The following GJB6 variants were observed in gnomAD, a reference collection of about 807,000 sequenced individuals.
GJB6 encodes the protein gap junction protein beta 6.
GJB6 carries 5 observed loss-of-function variants against 5.4 expected under a neutral mutation model. The ratio of observed to expected loss-of-function variants is 0.92; its 90% CI spans 0.48 to 1.93. The LOEUF is 1.93. GJB6 is among the 30% of genes most tolerant of loss of function. The pLI is 0.01. For synonymous variants in GJB6, 136 were observed against 129.6 expected, an observed-to-expected ratio of 1.05 and a Z score of -0.34; for missense variants, 298 against 326.9, an observed-to-expected ratio of 0.91 and a Z score of 0.68.
Position 20,222,055 on chromosome 13 carries a change from G to A in GJB6, c.*640C>T, listed in dbSNP as rs1593361999. Reference sequence around the variant, plus strand: ...ATTGGCAAACGGATGAGTTAAAAAAGCCTTCTGCTTCCACACTGTTCCGTC... The same window carrying A: ...ATTGGCAAACGGATGAGTTAAAAAAACCTTCTGCTTCCACACTGTTCCGTC... On this transcript the variant is annotated 3_prime_UTR_variant, in exon 5 of 5. Coordinates refer to ENST00000647029, the MANE Select transcript of GJB6 (RefSeq NM_001110219.3). The A allele has an allele frequency of 6.5e-6, 1 of 152,788 alleles. No homozygotes were observed. The highest frequency in any genetic ancestry group is 1.9e-4 in the East Asian group (1 of 5,202). The allele number at this position is 152,788 out of a possible 1,614,324, so 9.5% of individuals were successfully genotyped here. A position where few individuals can be genotyped will look rare whatever the true frequency, so the allele number is the denominator to read the frequency against.
chr13:20,221,977 T>C lies in GJB6; in HGVS notation c.*718A>G, dbSNP rs1161659917. On this transcript the variant is annotated 3_prime_UTR_variant, in exon 5 of 5. Coordinates refer to ENST00000647029, the MANE Select transcript of GJB6 (RefSeq NM_001110219.3). ...ACAAGGCATGTGAAGGCTTAAGCAA[T>C]GGGGACGAGCTTTATTGAGGCAATC... 1 of 152,412 alleles carries C rather than the reference T, an allele frequency of 6.6e-6. No individual in the cohort carries two copies. Among genetic ancestry groups the C allele is most frequent in the African/African-American group, 2.4e-5 (1 of 41,460 alleles). 9.4% of individuals were successfully genotyped at this position (152,412 alleles called of 1,614,324 possible). A position where few individuals can be genotyped will look rare whatever the true frequency, so the allele number is the denominator to read the frequency against.
rs1335816962 is a variant in GJB6 at position 20,222,525 on chromosome 13, G to A, written c.*170C>T. The stretch of plus-strand genomic sequence containing the variant: ...AGAGATGGACCACATATTTGATTAC[G>A]TTGTGTATGAATGGAGCAAGTATCC... On this transcript the variant is annotated 3_prime_UTR_variant, in exon 5 of 5. Transcript: ENST00000647029. 6.4e-6 allele frequency: 4 copies of A among 626,210 alleles called. No homozygotes were observed. Among genetic ancestry groups the A allele is most frequent in the South Asian group, 1.9e-5 (1 of 52,154 alleles). 38.8% of individuals were successfully genotyped at this position (626,210 alleles called of 1,614,324 possible).
chr13:20,227,079 T>C (rs947006360), intron 4 of GJB6, among the ~76,000 whole-genome samples: 1 of 152,044 alleles, frequency 6.6e-6, no homozygotes, highest in African/African-American at 2.4e-5. Flanking sequence ...GGAACACTGG[T>C]CCACGCTTTC....
intron 4 of GJB6, among the ~76,000 whole-genome samples, chr13:20,226,711 A>G (rs1236977998): frequency 6.6e-6 from 1 of 152,234 alleles, no homozygotes; most frequent in Non-Finnish European, 1.5e-5. Context: ...CTGTTCACCT[A>G]TGGGGTCAGT....
chr13:20,224,506 C>T (rs963817058), intron 4 of GJB6, among the ~76,000 whole-genome samples: 21 of 152,156 alleles, frequency 1.4e-4, no homozygotes, highest in Non-Finnish European at 2.9e-5. Context: ...CCCAGCGGGT[C>T]CTGTTTGCGC....
In GJB6 at chr13:20,229,792, T is replaced by TCC. The variant is rs56771888; in HGVS notation, c.-185-45_-185-44dup. On this transcript the variant is annotated intron_variant, in intron 3 of 4. Transcript: ENST00000647029. ...GTAGCTGTTGCCATATTCCTTTAAC[T>TCC]CCCCCCCCCCCCGCCCCCCGCAATA... 10 of 72,870 alleles carry TCC rather than the reference T, an allele frequency of 1.4e-4. No individual in the cohort carries two copies. In the East Asian group the frequency reaches 2.0e-3, roughly 15 times the overall value. 4.5% of individuals were successfully genotyped at this position (72,870 alleles called of 1,614,324 possible).
chr13:20,228,692 GCCAGGA>G (rs1566542246), intron 4 of GJB6, among the ~76,000 whole-genome samples: 4 of 35,812 alleles, frequency 1.1e-4, no homozygotes, highest in Non-Finnish European at 3.1e-4. Flanking sequence ...CACCGTGTTA[GCCAGGA>G]TGGTCTCGAT....
intron 4 of GJB6, among the ~76,000 whole-genome samples, chr13:20,226,464 C>T (rs567138100): frequency 6.6e-6 from 1 of 152,274 alleles, no homozygotes; most frequent in South Asian, 2.1e-4. Flanking sequence ...TAATGCCTCC[C>T]TTTCATATAC....
rs1218297566 is a variant in GJB6, at chr13:20,222,808, C to T, written c.673G>A (p.Ala225Thr). 2 of 1,613,966 alleles carry T rather than the reference C, an allele frequency of 1.2e-6. No homozygotes were observed. The highest frequency in any genetic ancestry group is 2.7e-5 in the African/African-American group (2 of 74,910). ...TTGGGGTGATTTTTTTGCGTCTGTG[C>T]TCTCTTTGATCTCCTAAAACACACT... Reference protein sequence around the residue: ...LKVCFRRSKRAQTQKNHPNHA... With the variant: ...LKVCFRRSKRTQTQKNHPNHA... Residue 225 changes from alanine to threonine, a missense_variant, in exon 5 of 5, where the codon GCA becomes ACA. Transcript: ENST00000647029.
At position 20,223,001 on chromosome 13, in the gene GJB6, C is replaced by T. The variant is rs145762940; in HGVS notation, c.480G>A (p.Gly160=). 3.5e-5 allele frequency: 57 copies of T among 1,614,050 alleles called. No individual in the cohort carries two copies. In the African/African-American group the frequency reaches 6.5e-4, roughly 18 times the overall value. ...ATTTCAACACCCAGGGCAGGTGGTA[C>T]CCATTGTAAAGGAAGTAAAACACAT... ...FMYVFYFLYN[G]YHLPWVLKCG... The change falls in exon 5 of 5, where the codon GGG becomes GGA. Residue 160 remains glycine (G), a synonymous_variant. Transcript: ENST00000647029.
intron 4 of GJB6, among the ~76,000 whole-genome samples, chr13:20,224,196 T>G (rs986769782): frequency 6.6e-6 from 1 of 152,160 alleles, no homozygotes; most frequent in African/African-American, 2.4e-5. Flanking sequence ...GTAGATTTTA[T>G]TCATTAAATA....
At position 20,229,689 on chromosome 13, in the gene GJB6, AGCCAATGGT is replaced by A. The variant is rs1869938965; in HGVS notation, c.-134_-126del. 6.6e-6 allele frequency: 1 copy of A among 151,888 alleles called. No individual in the cohort carries two copies. Among genetic ancestry groups the A allele is most frequent in the Non-Finnish European group, 1.5e-5 (1 of 67,982 alleles). The allele number at this position is 151,888 out of a possible 1,614,324, so 9.4% of individuals were successfully genotyped here. On this transcript the variant is annotated 5_prime_UTR_variant, in exon 4 of 5. Transcript: ENST00000647029. ...CTCCTACCCCACTGGAGTGCCTAGA[AGCCAATGGT>A]GCACAGTGATGATACGAATGTCAAT...
In GJB6 at chr13:20,222,967, C is replaced by T. The variant is rs377061702; in HGVS notation, c.514G>A (p.Asp172Asn). ...HLPWVLKCGI[D>N]PCPNLVDCFI... is the part of the protein sequence containing the mutation. ...CAGTCAACAAGGTTGGGGCAGGGGT[C>T]AATCCCACATTTCAACACCCAGGGC... Residue 172 changes from aspartate to asparagine, a missense_variant, in exon 5 of 5, where the codon GAC (aspartate) becomes AAC (asparagine). Coordinates refer to ENST00000647029, the MANE Select transcript of GJB6 (RefSeq NM_001110219.3). The T allele has an allele frequency of 9.3e-6, 15 of 1,613,996 alleles. No individual in the cohort carries two copies. Among genetic ancestry groups the T allele is most frequent in the Non-Finnish European group, 1.2e-5 (14 of 1,180,016 alleles).
Position 20,223,447 on chromosome 13 carries a change from C to T in GJB6, c.34G>A (p.Gly12Ser). ...DWGTLHTFIGGVNKHSTSIGK... is the reference protein window; with the variant it reads ...DWGTLHTFIGSVNKHSTSIGK... ...ATGCTGGTGGAGTGTTTGTTGACACCCCCGATGAAAGTGTGCAGCGTCCCC... is the reference window on the plus strand; with the variant it reads ...ATGCTGGTGGAGTGTTTGTTGACACTCCCGATGAAAGTGTGCAGCGTCCCC... The change falls in exon 5 of 5, where the codon GGT (glycine) becomes AGT (serine). Residue 12 changes from glycine (G) to serine (S), a missense_variant. By Grantham distance (56) the Gly-to-Ser change is moderately conservative. Coordinates refer to ENST00000647029, the MANE Select transcript of GJB6 (RefSeq NM_001110219.3). 2 of 1,614,012 alleles carry T rather than the reference C, an allele frequency of 1.2e-6. No individual in the cohort carries two copies. Among genetic ancestry groups the T allele is most frequent in the Non-Finnish European group, 1.7e-6 (2 of 1,179,970 alleles).
chr13:20,228,706 G>C lies in GJB6; in HGVS notation c.-16+874C>G, dbSNP rs529737035. Among the ~76,000 whole-genome samples the C allele has an allele frequency of 2.1e-3, 312 of 149,996 alleles. 1 individual carries two copies. The highest frequency in any genetic ancestry group is 4.6e-3 in the African/African-American group (189 of 41,006). On this transcript the variant is annotated intron_variant, in intron 4 of 4. Transcript: ENST00000647029. ...TCACCGTGTTAGCCAGGATGGTCTC[G>C]ATCTCCTGACCTCATGATCCGCCCC...
intron 4 of GJB6, chr13:20,225,585 G>T (rs1869521394): frequency 6.6e-6 from 1 of 152,120 alleles, no homozygotes; most frequent in South Asian, 2.1e-4. Flanking sequence ...AATTCTTTAA[G>T]CATTTCCACA....
At chr13:20,230,537 T>C (rs976184090) in intron 3 of GJB6, among the ~76,000 whole-genome samples, 161 bp downstream of exon 3, 1 of 152,234 alleles carries the variant, frequency 6.6e-6, no homozygotes, top group Non-Finnish European at 1.5e-5. Context: ...TCCAGGTCTA[T>C]GCTCATGCAC....
Position 20,222,596 on chromosome 13 carries a change from C to T in GJB6, c.*99G>A. On this transcript the variant is annotated 3_prime_UTR_variant, in exon 5 of 5. Transcript: ENST00000647029. ...GTCTATTTATTATGAAAGTCATTTACAAACTCTTCAGGCTACAGAAGGAAC... is the reference window on the plus strand; with the variant it reads ...GTCTATTTATTATGAAAGTCATTTATAAACTCTTCAGGCTACAGAAGGAAC... 1 of 966,634 alleles carries T rather than the reference C, an allele frequency of 1.0e-6. No homozygotes were observed. The highest frequency in any genetic ancestry group is 1.3e-5 in the South Asian group (1 of 74,938). 59.9% of individuals were successfully genotyped at this position (966,634 alleles called of 1,614,324 possible). A position where few individuals can be genotyped will look rare whatever the true frequency, so the allele number is the denominator to read the frequency against.
chr13:20,231,542 T>A (rs951848530), intron 1 of GJB6, 37 bp from the exon 2 acceptor site: 1 of 152,166 alleles, frequency 6.6e-6, no homozygotes, highest in African/African-American at 2.4e-5. Flanking sequence ...ATTACTGTCG[T>A]CCACGCTATT....
Sources: allele counts gnomAD v4.1 joint callset (sites outside exome capture counted in the v4.1 genomes callset), GRCh38; gene constraint gnomAD v4.1.1; transcripts MANE v1.5; gene names NCBI Gene and HGNC (gene_info 2026-07-23, HGNC 2026-07-21).